PIN4: variants seen among roughly 807,000 people sequenced by gnomAD.
PIN4 encodes the protein peptidyl-prolyl cis-trans isomerase NIMA-interacting 4.
Under a neutral mutation model 8.3 loss-of-function variants are expected in PIN4, and 3 were observed. That is an observed-to-expected ratio of 0.36 (90% CI 0.16 to 0.93). PIN4 has a LOEUF of 0.93. Ranked by LOEUF, PIN4 falls within the 40% of genes least tolerant of loss-of-function variation. PIN4 has a pLI of 0.44. For missense variants in PIN4, 75 were observed against 100.6 expected, an observed-to-expected ratio of 0.75 and a Z score of 1.09; for synonymous variants, 18 against 32.5, an observed-to-expected ratio of 0.55 and a Z score of 1.52.
chrX:72,249,346 C>T lies in PIN4; in HGVS notation c.313-13361C>T, dbSNP rs760589888. Among the ~76,000 whole-genome samples the T allele has an allele frequency of 2.7e-5, 3 of 112,508 alleles. No individual in the cohort carries two copies. The East Asian group carries it at 8.3e-4, about 31-fold the overall frequency. On this transcript the variant is annotated intron_variant, in intron 3 of 3. Transcript: ENST00000423432. ...AAAGATATGGAACAACTGTAAGTCT[C>T]ATCTTTTGCTGGTGGGGGTGTAAAT...
At chrX:72,238,992 T>C (rs964846419) in intron 3 of PIN4, 1 of 991,820 alleles carries the variant, frequency 1.0e-6, no homozygotes, top group Non-Finnish European at 1.4e-6. Flanking sequence ...GCTTAGAGTT[T>C]GGAGCTTGAA....
intron 3 of PIN4, among the ~76,000 whole-genome samples, chrX:72,219,806 G>A (rs948237209): frequency 9.7e-6 from 1 of 103,391 alleles, no homozygotes; most frequent in Non-Finnish European, 1.9e-5. Context: ...TCAAGGTTGC[G>A]CCACTGCACT....
chrX:72,192,251 T>C (rs1302968603), intron 2 of PIN4, among the ~76,000 whole-genome samples: 1 of 111,431 alleles, frequency 9.0e-6, no homozygotes, highest in Non-Finnish European at 1.9e-5. Context: ...CCTCGCCCAG[T>C]GTAAATTTCG....
chrX:72,213,938 G>C (rs187349450), intron 3 of PIN4, among the ~76,000 whole-genome samples: 146 of 112,251 alleles, frequency 1.3e-3, no homozygotes, highest in African/African-American at 4.7e-3. Flanking sequence ...TCCCTATACT[G>C]ATCCAGCTCC....
chrX:72,199,474 G>A (rs2042781747), downstream of PIN4, among the ~76,000 whole-genome samples: 1 of 112,115 alleles, frequency 8.9e-6, no homozygotes, highest in South Asian at 3.7e-4. Flanking sequence ...GGAGGTGGCT[G>A]CTGCAATGAG....
At chrX:72,185,163 A>AAAAAAAAAAAC (rs1556391325) in intron 1 of PIN4, among the ~76,000 whole-genome samples, 1 of 104,700 alleles carries the variant, frequency 9.6e-6, no homozygotes, top group Admixed American at 1.0e-4. Context: ...AAAAAAAAAA[A>AAAAAAAAAAAC]AAACAACTTT....
chrX:72,197,404 G>A lies in PIN4; in HGVS notation c.274G>A (p.Gly92Arg). The change falls in exon 4 of 4, where the codon GGA (glycine) becomes AGA (arginine). Residue 92 changes from glycine (G) to arginine (R), a missense_variant. Physicochemically the swap from Gly to Arg is moderately radical, Grantham distance 125. Coordinates refer to ENST00000373669, the MANE Select transcript of PIN4 (RefSeq NM_006223.4). ...TTGGATGACCAGAGGGTCCATGGTG[G>A]GACCATTTCAAGAAGCAGCATTTGC... is the stretch of plus-strand genomic sequence containing the variant. The part of the protein sequence containing the change: ...LGWMTRGSMV[G>R]PFQEAAFALP... 1 of 1,206,799 alleles carries A rather than the reference G, an allele frequency of 8.3e-7. No individual in the cohort carries two copies. Among genetic ancestry groups the A allele is most frequent in the African/African-American group, 1.7e-5 (1 of 57,670 alleles).
intron 3 of PIN4, among the ~76,000 whole-genome samples, chrX:72,253,228 C>T (rs1389936768): frequency 8.9e-6 from 1 of 112,107 alleles, no homozygotes; most frequent in Admixed American, 9.5e-5. Context: ...CTCCACCTAT[C>T]CCCACTCCAC....
chrX:72,205,668 T>C (rs201951072), intron 3 of PIN4: 2 of 1,210,667 alleles, frequency 1.7e-6, no homozygotes, highest in East Asian at 5.9e-5. Flanking sequence ...AAGAATCATC[T>C]TCATCTTCGC....
intron 3 of PIN4, among the ~76,000 whole-genome samples, chrX:72,213,228 ACTACACCTAC>A (rs1207374412): frequency 9.0e-6 from 1 of 111,512 alleles, no homozygotes; most frequent in Non-Finnish European, 1.9e-5. Flanking sequence ...GGGGAAGGTG[ACTACACCTAC>A]CTTTAAATAC....
chrX:72,197,449 G>A lies in PIN4; in HGVS notation c.319G>A (p.Asp107Asn). 3 of 1,207,652 alleles carry A rather than the reference G, an allele frequency of 2.5e-6. No individual in the cohort carries two copies. Among genetic ancestry groups the A allele is most frequent in the Non-Finnish European group, 3.4e-6 (3 of 891,847 alleles). Residue 107 changes from aspartate (D) to asparagine (N), a missense_variant, in exon 4 of 4, where the codon GAT becomes AAT. By Grantham distance (23) the Asp-to-Asn change is conservative (BLOSUM62 1). Coordinates refer to ENST00000373669, the MANE Select transcript of PIN4 (RefSeq NM_006223.4). Reference sequence around the variant, plus strand: ...ATTTGCCTTGCCTGTAAGTGGGATGGATAAGCCTGTGTTTACAGACCCACC... The same window carrying A: ...ATTTGCCTTGCCTGTAAGTGGGATGAATAAGCCTGTGTTTACAGACCCACC... ...AAFALPVSGM[D>N]KPVFTDPPVK...
chrX:72,228,011 A>G (rs946904748), intron 3 of PIN4, among the ~76,000 whole-genome samples: 3 of 112,110 alleles, frequency 2.7e-5, no homozygotes, highest in Non-Finnish European at 3.8e-5. Context: ...AGGTGTTTTT[A>G]CCTTTCTCAG....
intron 3 of PIN4, among the ~76,000 whole-genome samples, chrX:72,234,005 G>GGAGGCT (rs1245828075): frequency 9.1e-6 from 1 of 109,463 alleles, no homozygotes; most frequent in African/African-American, 3.3e-5. Context: ...CAGCTACTTG[G>GGAGGCT]GAGGCTGAGG....
intron 3 of PIN4, among the ~76,000 whole-genome samples, chrX:72,231,144 C>CAT (rs2042980983): frequency 8.9e-6 from 1 of 112,042 alleles, no homozygotes. Context: ...CAGCATTATT[C>CAT]ATAGTAGCCA....
In PIN4 at chrX:72,262,923, T is replaced by C. The variant is rs1207946246; in HGVS notation, c.*127T>C. ...AAACAAAAACTATGGATTTTTGTTTTTGTTTTCAGAAAAGAGAAAGTACAA... is the reference window on the plus strand; with the variant it reads ...AAACAAAAACTATGGATTTTTGTTTCTGTTTTCAGAAAAGAGAAAGTACAA... On this transcript the variant is annotated 3_prime_UTR_variant, in exon 4 of 4. Coordinates refer to the PIN4 transcript ENST00000423432. The C allele has an allele frequency of 1.2e-5, 5 of 417,071 alleles. No homozygotes were observed. The African/African-American group carries it at 1.2e-4, about 10-fold the overall frequency. 34.4% of individuals were successfully genotyped at this position (417,071 alleles called of 1,213,427 possible).
intron 3 of PIN4, among the ~76,000 whole-genome samples, chrX:72,240,814 G>C (rs1432180988): frequency 9.3e-6 from 1 of 107,023 alleles, no homozygotes; most frequent in African/African-American, 3.5e-5. Context: ...AAAAGAAAAG[G>C]GTTGGGGGGA....
In PIN4 at chrX:72,181,781, C is replaced by G; in HGVS notation, c.-5C>G. 1.7e-6 allele frequency: 2 copies of G among 1,199,855 alleles called. No individual in the cohort carries two copies. Among genetic ancestry groups the G allele is most frequent in the Non-Finnish European group, 2.3e-6 (2 of 885,487 alleles). ...CGGTTCAGCGTTCAACAACAAGCTT[C>G]CAAGATGCCGCCCAAAGGAAAAAGT... On this transcript the variant is annotated 5_prime_UTR_variant, in exon 1 of 4. Transcript: ENST00000373669.
At chrX:72,191,153 C>A (rs944470951) in intron 2 of PIN4, among the ~76,000 whole-genome samples, 1 of 107,372 alleles carries the variant, frequency 9.3e-6, no homozygotes, top group Non-Finnish European at 1.9e-5. Context: ...TGGTTCTCAA[C>A]CCTAGACGTA....
chrX:72,225,430 ATT>A (rs979249916), intron 3 of PIN4, among the ~76,000 whole-genome samples: 2 of 111,565 alleles, frequency 1.8e-5, no homozygotes, highest in Non-Finnish European at 3.8e-5. Flanking sequence ...AGGCTTTTAC[ATT>A]TTTTGTCTGA....
Sources: gnomAD v4.1 joint callset for allele counts (sites outside exome capture counted in the v4.1 genomes callset) on GRCh38, gnomAD v4.1.1 for gene constraint, MANE v1.5 for transcripts, NCBI Gene and HGNC (gene_info 2026-07-23, HGNC 2026-07-21) for gene names.